Variants in RERE observed in about 807,000 individuals in gnomAD.
RERE encodes arginine-glutamic acid dipeptide repeats protein.
RERE carries 40 observed loss-of-function variants against 146.1 expected under a neutral mutation model. That is an observed-to-expected ratio of 0.27 (90% confidence interval 0.21 to 0.36). The LOEUF is 0.36. RERE is among the 10% of genes least tolerant of loss of function. RERE has a pLI of 1.00. For synonymous variants in RERE, 1,003 were observed against 866.0 expected, an observed-to-expected ratio of 1.16 and a Z score of -2.78; for missense variants, 1,933 against 2,138.7, an observed-to-expected ratio of 0.90 and a Z score of 1.90.
At chr1:8,515,645 A>G (rs1003429945) in intron 7 of RERE, among the ~76,000 whole-genome samples, 5 of 151,946 alleles carry the variant, frequency 3.3e-5, no homozygotes, top group African/African-American at 9.7e-5. Context: ...CAAACAAACA[A>G]CAACAACAAC....
chr1:8,364,731 G>C lies in RERE; in HGVS notation c.1540+15C>G, dbSNP rs1244266403. 5 of 1,604,596 alleles carry C rather than the reference G, an allele frequency of 3.1e-6. No individual in the cohort carries two copies. The highest frequency in any genetic ancestry group is 2.6e-6 in the Non-Finnish European group (3 of 1,171,488). On this transcript the variant is annotated intron_variant, in intron 14 of 22. Transcript: ENST00000400908. This position sits in a 1 kb window ranked among gnomAD's most constrained non-coding sequence, Gnocchi z 5.1. ...TGCCCCCGCCCCGCCCCAGGAGCGT[G>C]ACGAGGCCACTTACTGGTGGTGAAG...
At chr1:8,599,395 G>A (rs949778239) in intron 4 of RERE, among the ~76,000 whole-genome samples, 2 of 152,098 alleles carry the variant, frequency 1.3e-5, no homozygotes, top group African/African-American at 2.4e-5. Flanking sequence ...AATGTACCAC[G>A]CAAATATATT....
chr1:8,358,539 TG>T lies in RERE; in HGVS notation c.3995del (p.Pro1332GlnfsTer40). 6.2e-7 allele frequency: 1 copy of T among 1,602,776 alleles called. No individual in the cohort carries two copies. ...RMKPGFEVKP[P>X]ELDPLHPAAN... ...CGGCTGGGTGCAGGGGGTCCAGCTC[TG>T]GGGGCTTCACCTCGAAGCCCGGCTT... On this transcript the variant is annotated frameshift_variant, in exon 20 of 23. Transcript: ENST00000400908. LOFTEE classifies it high-confidence loss of function.
At chr1:8,547,011 T>A in intron 6 of RERE, among the ~76,000 whole-genome samples, 1 of 149,048 alleles carries the variant, frequency 6.7e-6, no homozygotes. Flanking sequence ...ATAGGAAAAC[T>A]CAAACTGGCA....
intron 4 of RERE, among the ~76,000 whole-genome samples, chr1:8,594,873 G>A (rs749492166): frequency 1.7e-4 from 26 of 152,100 alleles, no homozygotes; most frequent in African/African-American, 3.1e-4. Flanking sequence ...AAAAAGCTGC[G>A]GGGGCCAGGC....
At chr1:8,713,521 G>A (rs1639707381) in intron 1 of RERE, among the ~76,000 whole-genome samples, 1 of 152,004 alleles carries the variant, frequency 6.6e-6, no homozygotes, top group Non-Finnish European at 1.5e-5. Context: ...ATCACCTGAG[G>A]TCAGGAGTTC....
intron 12 of RERE, among the ~76,000 whole-genome samples, chr1:8,386,312 G>A (rs1436268124): frequency 1.3e-5 from 2 of 151,126 alleles, no homozygotes; most frequent in Non-Finnish European, 2.9e-5. Flanking sequence ...AGAGCCAAGA[G>A]AACTTCTTAG....
chr1:8,638,443 C>T (rs1647129046), intron 2 of RERE, among the ~76,000 whole-genome samples: 1 of 152,024 alleles, frequency 6.6e-6, no homozygotes, highest in African/African-American at 2.4e-5. Context: ...TTTTCCTCAC[C>T]CAAGTTCACA....
At chr1:8,573,832 C>T (rs1393418076) in intron 4 of RERE, among the ~76,000 whole-genome samples, 1 of 152,088 alleles carries the variant, frequency 6.6e-6, no homozygotes, top group Non-Finnish European at 1.5e-5. Flanking sequence ...TTTCTGGAGA[C>T]AGTCTCACTC....
chr1:8,389,790 CG>C (rs1642820955), intron 12 of RERE, among the ~76,000 whole-genome samples: 1 of 152,196 alleles, frequency 6.6e-6, no homozygotes, highest in South Asian at 2.1e-4. Flanking sequence ...GCTAAGTGCA[CG>C]TTGTTTTGTA....
intron 1 of RERE, among the ~76,000 whole-genome samples, chr1:8,700,270 A>G (rs997406645): frequency 6.6e-6 from 1 of 152,096 alleles, no homozygotes; most frequent in Non-Finnish European, 1.5e-5. Context: ...ATGCCATTGC[A>G]CTCCAGCCTG....
intron 1 of RERE, among the ~76,000 whole-genome samples, chr1:8,780,111 A>C (rs904150214): frequency 6.6e-6 from 1 of 152,154 alleles, no homozygotes; most frequent in Non-Finnish European, 1.5e-5. Flanking sequence ...TCTCAAAAAA[A>C]ATGACTAAGT....
At chr1:8,550,085 C>G (rs1645915484) in intron 6 of RERE, among the ~76,000 whole-genome samples, 1 of 152,196 alleles carries the variant, frequency 6.6e-6, no homozygotes, top group African/African-American at 2.4e-5. Flanking sequence ...GTTCTGATAA[C>G]TGTACTATAG....
rs941154050 is a variant in RERE at position 8,817,244 on chromosome 1, C to T, written c.-229G>A. ...GTGGCGGGGATGGGGCGGGAGGCCG[C>T]GCGGAGGCTGCGGGGCCGCGGGGCG... On this transcript the variant is annotated 5_prime_UTR_variant, in exon 1 of 23. Coordinates refer to ENST00000400908, the MANE Select transcript of RERE (RefSeq NM_001042681.2). 6.6e-6 allele frequency: 1 copy of T among 151,524 alleles called. No individual in the cohort carries two copies. The highest frequency in any genetic ancestry group is 2.4e-5 in the African/African-American group (1 of 41,102). The allele number at this position is 151,524 out of a possible 1,614,324, so 9.4% of individuals were successfully genotyped here. A position where few individuals can be genotyped will look rare whatever the true frequency, so the allele number is the denominator to read the frequency against.
intron 12 of RERE, among the ~76,000 whole-genome samples, chr1:8,417,619 A>C (rs868287302): frequency 4.6e-5 from 7 of 152,234 alleles, no homozygotes; most frequent in Middle Eastern, 3.4e-3. Flanking sequence ...ACAAGACTAA[A>C]TTATAAGAAG....
intron 11 of RERE, among the ~76,000 whole-genome samples, chr1:8,444,509 T>G (rs1415303570): frequency 2.0e-5 from 3 of 152,108 alleles, no homozygotes; most frequent in African/African-American, 7.2e-5. Context: ...AACGGATAAT[T>G]TGTAATGTGA....
In RERE at chr1:8,614,684, G is replaced by A; in HGVS notation, c.399C>T (p.Val133=). Residue 133 remains valine (V), a splice_region_variant and synonymous_variant, in exon 4 of 23, where the codon GTC becomes GTT. Coordinates refer to ENST00000400908, the MANE Select transcript of RERE (RefSeq NM_001042681.2). ...ATCTGCAACAGGCCTGGGAGTTGTG[G>A]ACCTAAAAAAGAAAACAGTTTTAAG... is the stretch of plus-strand genomic sequence containing the variant. ...FICSIQDFKL[V]HNSQACCRSP... 12 of 1,606,802 alleles carry A rather than the reference G, an allele frequency of 7.5e-6. No individual in the cohort carries two copies. The highest frequency in any genetic ancestry group is 1.0e-5 in the Non-Finnish European group (12 of 1,176,950).
intron 1 of RERE, among the ~76,000 whole-genome samples, chr1:8,726,633 T>C (rs1639974883): frequency 2.0e-5 from 3 of 152,106 alleles, no homozygotes; most frequent in African/African-American, 7.2e-5. Flanking sequence ...ACACCTGGTA[T>C]ATTTTTCCAA....
At chr1:8,653,321 A>G (rs1211671973) in intron 2 of RERE, among the ~76,000 whole-genome samples, 1 of 152,232 alleles carries the variant, frequency 6.6e-6, no homozygotes, top group Non-Finnish European at 1.5e-5. Flanking sequence ...ACAGTGATCC[A>G]AACTGTATTA....
Sources: gnomAD v4.1 joint callset for allele counts (sites outside exome capture counted in the v4.1 genomes callset) on GRCh38, gnomAD v4.1.1 for gene constraint, Gnocchi (gnomAD v3.1) non-coding constraint, MANE v1.5 for transcripts, NCBI Gene and HGNC (gene_info 2026-07-23, HGNC 2026-07-21) for gene names.